SYN2: variants seen among roughly 807,000 people sequenced by gnomAD.
The protein encoded by SYN2 is synapsin-2.
In SYN2, 19 loss-of-function variants were observed where a neutral mutation model predicts 50.9. The observed-to-expected ratio is 0.37, with a 90% CI of 0.26 to 0.55. The LOEUF is 0.55. Among genes scored for constraint, SYN2 ranks in the 20% least tolerant of loss-of-function variants. SYN2 has a pLI of 0.81. For synonymous variants in SYN2, 255 were observed against 224.9 expected (o/e 1.13, Z -1.20); for missense variants, 587 against 576.4 (o/e 1.02, Z -0.19).
At chr3:12,154,719 TAAAGTC>T (rs1323652233) in intron 5 of SYN2, among the ~76,000 whole-genome samples, 1 of 152,234 alleles carries the variant, frequency 6.6e-6, no homozygotes, top group African/African-American at 2.4e-5. Context: ...ATGTGGTCTT[TAAAGTC>T]AAAGTCTGTG....
intron 10 of SYN2, among the ~76,000 whole-genome samples, chr3:12,175,642 C>G (rs1473766028): frequency 2.0e-5 from 3 of 152,240 alleles, no homozygotes; most frequent in African/African-American, 7.2e-5. Flanking sequence ...TTGTCCTTAG[C>G]TCCACCATGA....
intron 1 of SYN2, among the ~76,000 whole-genome samples, chr3:12,124,398 T>C (rs2125204658): frequency 6.6e-6 from 1 of 152,270 alleles, no homozygotes; most frequent in Admixed American, 6.5e-5. Flanking sequence ...AAGTAAAGTA[T>C]GTCCTTTTTT....
intron 1 of SYN2, 65 bp from the exon 2 acceptor site, chr3:12,140,586 T>G: frequency 1.4e-6 from 1 of 719,314 alleles, no homozygotes; most frequent in Non-Finnish European, 2.6e-6. Flanking sequence ...TTCTTTGTAA[T>G]AGTAAATGTC....
intron 1 of SYN2, among the ~76,000 whole-genome samples, chr3:12,011,584 ATAGAT>A (rs1424319519): frequency 6.6e-6 from 1 of 152,252 alleles, no homozygotes; most frequent in Non-Finnish European, 1.5e-5. Flanking sequence ...AGATTGTAAA[ATAGAT>A]TAGATTCAGT....
chr3:12,120,965 T>C (rs1167699683), intron 1 of SYN2, among the ~76,000 whole-genome samples: 1 of 152,242 alleles, frequency 6.6e-6, no homozygotes, highest in Non-Finnish European at 1.5e-5. Context: ...CCCTCTGTTA[T>C]AGTATCATAA....
intron 1 of SYN2, among the ~76,000 whole-genome samples, chr3:12,049,542 T>TAAAAAAC (rs1478226372): frequency 2.0e-5 from 3 of 150,202 alleles, no homozygotes; most frequent in African/African-American, 7.4e-5. Flanking sequence ...TAATAAAAAA[T>TAAAAAAC]AAAAAAACTG....
chr3:12,141,332 A>G (rs561724736), intron 2 of SYN2, among the ~76,000 whole-genome samples: 2 of 152,206 alleles, frequency 1.3e-5, no homozygotes, highest in South Asian at 4.1e-4. Flanking sequence ...GTTTCTCATC[A>G]TTCATTATAC....
rs796417746 is a variant in SYN2, at chr3:12,148,113, C to CA, written c.684+2290dup. Among the ~76,000 whole-genome samples, 1,240 of 137,446 alleles carry CA rather than the reference C, an allele frequency of 9.0e-3. 10 individuals are homozygous for CA. Among genetic ancestry groups the CA allele is most frequent in the African/African-American group, 0.03 (1,106 of 37,424 alleles). The allele number at this position is 137,446 out of a possible 152,430, so 90.2% of individuals were successfully genotyped here. A position where few individuals can be genotyped will look rare whatever the true frequency, so the allele number is the denominator to read the frequency against. On this transcript the variant is annotated intron_variant, in intron 4 of 12. Transcript: ENST00000621198. ...TGGGCGACAGAGCGAGACTCTGTCT[C>CA]AAAAAAAAAAAAGAAATGTGTTCCC...
intron 1 of SYN2, among the ~76,000 whole-genome samples, chr3:12,025,663 T>C (rs1329153052): frequency 1.3e-5 from 2 of 152,120 alleles, no homozygotes; most frequent in Non-Finnish European, 2.9e-5. Flanking sequence ...GTTTTTGTTT[T>C]GGTGGATGGG....
rs771687802 is a variant in SYN2 at position 12,169,770 on chromosome 3, G to A, written c.1172G>A (p.Ser391Asn). Residue 391 changes from serine to asparagine, a missense_variant, in exon 10 of 13, where the codon AGC becomes AAC. Physicochemically the swap from Ser to Asn is conservative, Grantham distance 46 (BLOSUM62 1). Transcript: ENST00000621198. ...ATCTCCCACCAGGTCATGGACTGTAGCATGCCACTGATTGGGGAACATCAG... is the reference window on the plus strand; with the variant it reads ...ATCTCCCACCAGGTCATGGACTGTAACATGCCACTGATTGGGGAACATCAG... ...KDYIFEVMDCSMPLIGEHQVE... is the reference protein window; with the variant it reads ...KDYIFEVMDCNMPLIGEHQVE... The A allele has an allele frequency of 1.9e-6, 3 of 1,613,798 alleles. No homozygotes were observed. The highest frequency in any genetic ancestry group is 4.5e-5 in the East Asian group (2 of 44,890).
rs1215308753 is a variant in SYN2, at chr3:12,185,518, G to A, written c.1370-1851G>A. 5.1e-6 allele frequency: 5 copies of A among 985,884 alleles called. No homozygotes were observed. The African/African-American group carries it at 5.2e-5, about 10-fold the overall frequency. The allele number at this position is 985,884 out of a possible 1,614,324, so 61.1% of individuals were successfully genotyped here. On this transcript the variant is annotated intron_variant, in intron 11 of 12. Transcript: ENST00000621198. ...TATGTGCCCTCAGGCAGCATGCTTA[G>A]GGACAACTCTGTGGCCTGGGGGACA...
intron 1 of SYN2, among the ~76,000 whole-genome samples, chr3:12,009,366 C>T (rs577736329): frequency 1.3e-5 from 2 of 152,184 alleles, no homozygotes; most frequent in Admixed American, 1.3e-4. Context: ...CACAGTATCC[C>T]TCCATTTTTA....
At chr3:12,063,067 G>A (rs187784417) in intron 1 of SYN2, among the ~76,000 whole-genome samples, 3 of 151,760 alleles carry the variant, frequency 2.0e-5, no homozygotes, top group Non-Finnish European at 2.9e-5. Flanking sequence ...GGTGTTTGCC[G>A]GGGGGAAGGA....
intron 5 of SYN2, chr3:12,153,637 G>A (rs139407450): frequency 4.0e-5 from 65 of 1,614,182 alleles, no homozygotes; most frequent in Non-Finnish European, 5.2e-5. Context: ...TAGAGCTTTC[G>A]TTCCAACAGC....
rs754914676 is a variant in SYN2 at position 12,157,429 on chromosome 3, C to G, written c.775-4117C>G. On this transcript the variant is annotated intron_variant, in intron 5 of 12. Transcript: ENST00000621198. ...TACCGGAGCATTTTTTCAGTGTCAG[C>G]AGGGTCTGCACTGGCCGGAACTACC... The G allele has an allele frequency of 1.3e-5, 21 of 1,614,162 alleles. No homozygotes were observed. The highest frequency in any genetic ancestry group is 1.8e-5 in the Non-Finnish European group (21 of 1,180,024).
At chr3:12,006,659 T>C (rs77095432) in intron 1 of SYN2, among the ~76,000 whole-genome samples, 1 of 152,164 alleles carries the variant, frequency 6.6e-6, no homozygotes, top group East Asian at 1.9e-4. Flanking sequence ...CACTGTGTTA[T>C]ATTGCCTCAC....
At chr3:12,042,280 C>A (rs923748297) in intron 1 of SYN2, among the ~76,000 whole-genome samples, 1 of 152,142 alleles carries the variant, frequency 6.6e-6, no homozygotes, top group Non-Finnish European at 1.5e-5. Context: ...AATTCTCCCC[C>A]AAATTTTGTG....
Position 12,187,603 on chromosome 3 carries a change from C to A in SYN2, c.1604C>A (p.Pro535Gln). The change falls in exon 12 of 13, where the codon CCA becomes CAA. Residue 535 changes from proline to glutamine, a missense_variant. Pro to Gln is a moderately conservative substitution (Grantham distance 76). Coordinates refer to ENST00000621198, the MANE Select transcript of SYN2 (RefSeq NM_133625.6). ...CCACCACAGAAGCCCCAGCCTCACC[C>A]ACAGCTCAAGTAAGAGACAACTCAG... ...AAPPQKPQPH[P>Q]QLNKSQSLTN... The A allele has an allele frequency of 6.5e-7, 1 of 1,548,858 alleles. No individual in the cohort carries two copies. Among genetic ancestry groups the A allele is most frequent in the Non-Finnish European group, 8.7e-7 (1 of 1,144,446 alleles).
chr3:12,119,062 C>T (rs1283145671), intron 1 of SYN2, among the ~76,000 whole-genome samples: 1 of 152,130 alleles, frequency 6.6e-6, no homozygotes, highest in Non-Finnish European at 1.5e-5. Context: ...TGCAGCCTTT[C>T]ACAAACTCCA....
Sources: gnomAD v4.1 joint callset for allele counts (sites outside exome capture counted in the v4.1 genomes callset) on GRCh38, gnomAD v4.1.1 for gene constraint, MANE v1.5 for transcripts, NCBI Gene and HGNC (gene_info 2026-07-23, HGNC 2026-07-21) for gene names.